The following ECE2 variants were observed in gnomAD, a reference collection of about 807,000 sequenced individuals.
ECE2 encodes endothelin-converting enzyme 2.
In ECE2, 81 loss-of-function variants were observed where a neutral mutation model predicts 100.6. That is an observed-to-expected ratio of 0.81 (90% CI 0.67 to 0.97). The LOEUF is 0.97. Among genes scored for constraint, ECE2 ranks in the 50% least tolerant of loss-of-function variants. ECE2 has a pLI of 0.00. For missense variants in ECE2, 911 were observed against 988.1 expected (o/e 0.92, Z 1.05); for synonymous variants, 391 against 391.5 (o/e 1.00, Z 0.02).
chr3:184,287,954 C>T lies in ECE2; in HGVS notation c.1374+7C>T, dbSNP rs749822440. 10 of 1,612,184 alleles carry T rather than the reference C, an allele frequency of 6.2e-6. No individual in the cohort carries two copies. In the Admixed American group the frequency reaches 1.7e-4, roughly 27 times the overall value. On this transcript the variant is annotated splice_region_variant and intron_variant, in intron 11 of 18. Transcript: ENST00000404464. The stretch of plus-strand genomic sequence containing the variant: ...CCGGCAAAGCAAAGAAATTGTGAGT[C>T]TACAAGATTCTTTCAACACTATGCC...
chr3:184,283,667 G>C (rs1385054088), intron 7 of ECE2, 118 bp from the exon 8 acceptor site: 4 of 1,013,668 alleles, frequency 3.9e-6, no homozygotes, highest in African/African-American at 1.6e-5. Context: ...AGGTCATCCA[G>C]AAAGGCTTCC....
chr3:184,278,260 T>C lies in ECE2; in HGVS notation c.697T>C (p.Phe233Leu). ...AGGGACCTACAGGGCCACCCCATTC[T>C]TCACCGTCTACATCAGTGCCGACTC... is the stretch of plus-strand genomic sequence containing the variant. ...VAGTYRATPF[F>L]TVYISADSKS... The change falls in exon 6 of 19, where the codon TTC becomes CTC. Residue 233 changes from phenylalanine (F) to leucine (L), a missense_variant. Transcript: ENST00000404464. 1 of 1,614,214 alleles carries C rather than the reference T, an allele frequency of 6.2e-7. No individual in the cohort carries two copies. Among genetic ancestry groups the C allele is most frequent in the South Asian group, 1.1e-5 (1 of 91,090 alleles).
chr3:184,291,981 C>T lies in ECE2; in HGVS notation c.2122-81C>T. On this transcript the variant is annotated intron_variant, in intron 18 of 18. Coordinates refer to ENST00000404464, the MANE Select transcript of ECE2 (RefSeq NM_001100121.2). This position sits in a 1 kb window ranked among gnomAD's most constrained non-coding sequence, Gnocchi z 4.1. ...GGGGCTGCAGCGGTGGTGGTTTGTGCCCCTGGGATGGCTGTAGCTGACTCT... is the reference window on the plus strand; with the variant it reads ...GGGGCTGCAGCGGTGGTGGTTTGTGTCCCTGGGATGGCTGTAGCTGACTCT... The T allele has an allele frequency of 4.0e-6, 6 of 1,492,062 alleles. No individual in the cohort carries two copies. The highest frequency in any genetic ancestry group is 5.5e-6 in the Non-Finnish European group (6 of 1,100,912). The allele number at this position is 1,492,062 out of a possible 1,614,324, so 92.4% of individuals were successfully genotyped here.
At position 184,290,813 on chromosome 3, in the gene ECE2, T is replaced by G; in HGVS notation, c.1787T>G (p.Ile596Ser). 6.2e-7 allele frequency: 1 copy of G among 1,614,124 alleles called. No homozygotes were observed. Among genetic ancestry groups the G allele is most frequent in the Non-Finnish European group, 8.5e-7 (1 of 1,180,024 alleles). ...NHPKALNFGG[I>S]GVVMGHELTH... The stretch of plus-strand genomic sequence containing the variant: ...ACCAGGGCCCTGAACTTCGGTGGCA[T>G]CGGTGTGGTCATGGGCCATGAGTTG... The change falls in exon 16 of 19, where the codon ATC becomes AGC. Residue 596 changes from isoleucine (I) to serine (S), a missense_variant. Ile to Ser is a moderately radical substitution (Grantham distance 142). Transcript: ENST00000404464.
chr3:184,277,817 A>G, intron 4 of ECE2, 108 bp from the exon 5 acceptor site: 2 of 1,513,128 alleles, frequency 1.3e-6, no homozygotes, highest in Non-Finnish European at 1.8e-6. Context: ...GGTCTGCGTT[A>G]GCAGGACTGC....
rs369559213 is a variant in ECE2, at chr3:184,281,421, C to A, written c.817-2364C>A. Among the ~76,000 whole-genome samples, 16 of 152,288 alleles carry A rather than the reference C, an allele frequency of 1.1e-4. No homozygotes were observed. The South Asian group carries it at 1.7e-3, about 16-fold the overall frequency. ...AAAGGCAACAGGTTATGCAAAGGCT[C>A]CAAGGTGGGAAGGCATATGGCCAGC... On this transcript the variant is annotated intron_variant, in intron 7 of 18. Transcript: ENST00000404464.
chr3:184,289,476 G>A lies in ECE2; in HGVS notation c.1414G>A (p.Glu472Lys). Reference sequence around the variant, plus strand: ...CAGCGAAATCCGGACCGCATTTGAGGAGGCCCTGGGACAGCTGGTTTGGAT... The same window carrying A: ...CAGCGAAATCCGGACCGCATTTGAGAAGGCCCTGGGACAGCTGGTTTGGAT... ...MISEIRTAFEEALGQLVWMDE... is the reference protein window; with the variant it reads ...MISEIRTAFEKALGQLVWMDE... The change falls in exon 12 of 19, where the codon GAG becomes AAG. Residue 472 changes from glutamate to lysine, a missense_variant. Physicochemically the swap from Glu to Lys is moderately conservative, Grantham distance 56 (BLOSUM62 1). Transcript: ENST00000404464. This position sits in a 1 kb window ranked among gnomAD's most constrained non-coding sequence, Gnocchi z 4.1. 2.5e-6 allele frequency: 4 copies of A among 1,611,912 alleles called. No individual in the cohort carries two copies. Among genetic ancestry groups the A allele is most frequent in the South Asian group, 1.1e-5 (1 of 90,600 alleles).
intron 18 of ECE2, 46 bp from the exon 19 acceptor site, chr3:184,292,016 C>A: frequency 1.3e-6 from 2 of 1,568,340 alleles, no homozygotes; most frequent in South Asian, 1.2e-5. Context: ...TAAGGCCCGG[C>A]TCCACACTAG....
chr3:184,292,276 C>T lies in ECE2; in HGVS notation c.*38C>T. The T allele has an allele frequency of 6.2e-7, 1 of 1,607,524 alleles. No individual in the cohort carries two copies. The highest frequency in any genetic ancestry group is 1.1e-5 in the South Asian group (1 of 90,764). On this transcript the variant is annotated 3_prime_UTR_variant, in exon 19 of 19. Transcript: ENST00000404464. ...GGAGAAATGGCCAGCTGTCACCAGA[C>T]CTGGGGCAGCTCTCCTGACAAAGCT...
chr3:184,283,936 A>G lies in ECE2; in HGVS notation c.968A>G (p.Glu323Gly), dbSNP rs1362026416. ...CCCCAGGACCAGCGGCGCGACGAGG[A>G]GAAGATCTACCACAAGATGAGCATT... ...TVPQDQRRDE[E>G]KIYHKMSISE... Residue 323 changes from glutamate (E) to glycine (G), a missense_variant, in exon 8 of 19, where the codon GAG (glutamate) becomes GGG (glycine). Transcript: ENST00000404464. 1 of 1,614,038 alleles carries G rather than the reference A, an allele frequency of 6.2e-7. No individual in the cohort carries two copies. The highest frequency in any genetic ancestry group is 8.5e-7 in the Non-Finnish European group (1 of 1,180,020).
At chr3:184,288,604 T>G (rs1258111079) in intron 11 of ECE2, among the ~76,000 whole-genome samples, 1 of 152,062 alleles carries the variant, frequency 6.6e-6, no homozygotes, top group Non-Finnish European at 1.5e-5. Flanking sequence ...AAAAATAAAT[T>G]GTGGTTAGGA....
chr3:184,283,472 G>A lies in ECE2; in HGVS notation c.817-313G>A, dbSNP rs951970120. On this transcript the variant is annotated intron_variant, in intron 7 of 18. Coordinates refer to ENST00000404464, the MANE Select transcript of ECE2 (RefSeq NM_001100121.2). ...AGCTACTTGGGAGGCTGCAGCAGGAGAATCACTTGAACCCAGGAGGTGGAG... is the reference window on the plus strand; with the variant it reads ...AGCTACTTGGGAGGCTGCAGCAGGAAAATCACTTGAACCCAGGAGGTGGAG... Among the ~76,000 whole-genome samples, 3 of 141,482 alleles carry A rather than the reference G, an allele frequency of 2.1e-5. No individual in the cohort carries two copies. In the East Asian group the frequency reaches 6.8e-4, roughly 32 times the overall value. 92.8% of individuals were successfully genotyped at this position (141,482 alleles called of 152,430 possible). A position where few individuals can be genotyped will look rare whatever the true frequency, so the allele number is the denominator to read the frequency against.
rs201115486 is a variant in ECE2 at position 184,291,256 on chromosome 3, C to A, written c.2025+26C>A. 1.3e-5 allele frequency: 21 copies of A among 1,601,182 alleles called. No individual in the cohort carries two copies. Among genetic ancestry groups the A allele is most frequent in the Non-Finnish European group, 1.7e-5 (20 of 1,172,686 alleles). ...GTGAGTGGCCTGACCAGCCCTCCAG[C>A]GGCTGAGGCCTGCTGGCCTGGGGTG... is the stretch of plus-strand genomic sequence containing the variant. On this transcript the variant is annotated intron_variant, in intron 17 of 18. Coordinates refer to ENST00000404464, the MANE Select transcript of ECE2 (RefSeq NM_001100121.2). The surrounding 1 kb of genome is among the most constrained non-coding windows in gnomAD (Gnocchi z 4.1).
intron 7 of ECE2, 114 bp downstream of exon 7, chr3:184,278,671 C>T (rs1260597814): frequency 1.9e-6 from 2 of 1,063,072 alleles, no homozygotes; most frequent in African/African-American, 1.6e-5. Flanking sequence ...ATCCTGTCAC[C>T]TAGTGAACAA....
chr3:184,285,658 G>A, intron 10 of ECE2, 66 bp downstream of exon 10: 3 of 1,214,378 alleles, frequency 2.5e-6, no homozygotes, highest in Non-Finnish European at 3.7e-6. Flanking sequence ...CCTTCAGTGT[G>A]ACAGGCACCA....
At chr3:184,287,149 G>A (rs375885078) in intron 10 of ECE2, among the ~76,000 whole-genome samples, 148 of 151,668 alleles carry the variant, frequency 9.8e-4, no homozygotes, top group African/African-American at 3.4e-3. Flanking sequence ...GGTGGCGGGC[G>A]CCTTTAGTCT....
At position 184,291,236 on chromosome 3, in the gene ECE2, T is replaced by C. The variant is rs994666960; in HGVS notation, c.2025+6T>C. On this transcript the variant is annotated splice_donor_region_variant and intron_variant, in intron 17 of 18. Transcript: ENST00000404464. This position sits in a 1 kb window ranked among gnomAD's most constrained non-coding sequence, Gnocchi z 4.1. The stretch of plus-strand genomic sequence containing the variant: ...GGCTGAAGGCTGCCTACAATGTGAG[T>C]GGCCTGACCAGCCCTCCAGCGGCTG... 1.2e-6 allele frequency: 2 copies of C among 1,608,976 alleles called. No homozygotes were observed. Among genetic ancestry groups the C allele is most frequent in the Non-Finnish European group, 8.5e-7 (1 of 1,177,208 alleles).
intron 4 of ECE2, 57 bp from the exon 5 acceptor site, chr3:184,277,868 G>T: frequency 6.3e-7 from 1 of 1,594,136 alleles, no homozygotes; most frequent in South Asian, 1.1e-5. Context: ...AAGGGCCAGG[G>T]ACTCCCCCTC....
intron 2 of ECE2, 55 bp downstream of exon 2, chr3:184,276,622 G>T: frequency 6.3e-7 from 1 of 1,586,528 alleles, no homozygotes; most frequent in Non-Finnish European, 8.6e-7. Flanking sequence ...CATGACGCCT[G>T]GCACACCCAG....
Sources: allele counts gnomAD v4.1 joint callset (sites outside exome capture counted in the v4.1 genomes callset), GRCh38; gene constraint gnomAD v4.1.1; non-coding constraint Gnocchi (gnomAD v3.1); transcripts MANE v1.5; gene names NCBI Gene and HGNC (gene_info 2026-07-23, HGNC 2026-07-21).